FBN2: variants seen among roughly 807,000 people sequenced by gnomAD.
FBN2 encodes fibrillin-2.
FBN2 carries 105 observed loss-of-function variants against 355.6 expected under a neutral mutation model. The observed-to-expected ratio is 0.30, with a 90% CI of 0.25 to 0.35. FBN2 has a LOEUF of 0.35. Among genes scored for constraint, FBN2 ranks in the 10% least tolerant of loss-of-function variants. FBN2 has a pLI of 1.00. For missense variants in FBN2, 3,280 were observed against 3,758.7 expected, an observed-to-expected ratio of 0.87 and a Z score of 3.33; for synonymous variants, 1,350 against 1,301.2, an observed-to-expected ratio of 1.04 and a Z score of -0.81.
chr5:128,312,840 T>C (rs1037367482), intron 36 of FBN2, 45 bp from the exon 37 acceptor site: 1 of 1,591,280 alleles, frequency 6.3e-7, no homozygotes, highest in African/African-American at 1.3e-5. Flanking sequence ...GCTTACATAG[T>C]AAGGACTCCA....
intron 4 of FBN2, among the ~76,000 whole-genome samples, chr5:128,520,587 T>C (rs1756404407): frequency 6.6e-6 from 1 of 152,176 alleles, no homozygotes; most frequent in Non-Finnish European, 1.5e-5. Flanking sequence ...TATTTCCTTA[T>C]CAGGTATGTT....
intron 61 of FBN2, 105 bp from the exon 62 acceptor site, chr5:128,272,223 A>T: frequency 7.8e-7 from 1 of 1,283,126 alleles, no homozygotes; most frequent in Non-Finnish European, 1.1e-6. Flanking sequence ...GAACAAACAA[A>T]CAAACAAGAC....
At chr5:128,369,122 A>G in intron 16 of FBN2, 60 bp downstream of exon 16, 3 of 1,558,098 alleles carry the variant, frequency 1.9e-6, no homozygotes, top group East Asian at 2.2e-5. Flanking sequence ...TCTTTGGCCA[A>G]ACATCTAAGG....
chr5:128,334,641 C>A (rs1410728889), intron 31 of FBN2, 78 bp downstream of exon 31: 5 of 1,492,922 alleles, frequency 3.3e-6, no homozygotes, highest in Non-Finnish European at 4.7e-6. Context: ...TAAGAGATGC[C>A]AGAGAACAAA....
At chr5:128,265,465 CTT>C (rs1765092500) in intron 62 of FBN2, among the ~76,000 whole-genome samples, 2 of 152,062 alleles carry the variant, frequency 1.3e-5, no homozygotes, top group African/African-American at 4.8e-5. Flanking sequence ...AATTTATAGA[CTT>C]AAATAAATAT....
chr5:128,538,116 G>T lies in FBN2; in HGVS notation c.-513C>A. ...CAGAAGAAGAGGAGGGTTCCCTCCGGGCTCGCTCGGAGTCCCACAGGGCAA... is the reference window on the plus strand; with the variant it reads ...CAGAAGAAGAGGAGGGTTCCCTCCGTGCTCGCTCGGAGTCCCACAGGGCAA... On this transcript the variant is annotated 5_prime_UTR_variant, in exon 1 of 65. Coordinates refer to ENST00000262464, the MANE Select transcript of FBN2 (RefSeq NM_001999.4). The T allele has an allele frequency of 6.3e-6, 1 of 157,636 alleles. No individual in the cohort carries two copies. The highest frequency in any genetic ancestry group is 1.7e-4 in the South Asian group (1 of 5,750). 9.8% of individuals were successfully genotyped at this position (157,636 alleles called of 1,614,324 possible).
intron 52 of FBN2, 135 bp from the exon 53 acceptor site, chr5:128,288,692 C>A: frequency 1.0e-6 from 1 of 994,896 alleles, no homozygotes; most frequent in Non-Finnish European, 1.6e-6. Context: ...TCCCTTGGGC[C>A]TTGGCTGGCT....
chr5:128,430,381 TTGTTA>T (rs1261054304), intron 7 of FBN2, among the ~76,000 whole-genome samples: 1 of 152,206 alleles, frequency 6.6e-6, no homozygotes, highest in African/African-American at 2.4e-5. Flanking sequence ...CTTTACTTTT[TTGTTA>T]TATTTGGCTT....
intron 36 of FBN2, among the ~76,000 whole-genome samples, chr5:128,314,905 T>C (rs970814576): frequency 4.6e-5 from 7 of 152,156 alleles, no homozygotes; most frequent in African/African-American, 1.2e-4. Context: ...CCGTGGTGTA[T>C]AATTGCTTTT....
chr5:128,323,624 C>A (rs1750453703), intron 34 of FBN2, among the ~76,000 whole-genome samples: 1 of 152,238 alleles, frequency 6.6e-6, no homozygotes, highest in Non-Finnish European at 1.5e-5. Flanking sequence ...ACCGGCCTTG[C>A]ATCCCAGGGA....
At position 128,302,332 on chromosome 5, in the gene FBN2, T is replaced by C. The variant is rs544075796; in HGVS notation, c.5917+641A>G. On this transcript the variant is annotated intron_variant, in intron 46 of 64. Transcript: ENST00000262464. Reference sequence around the variant, plus strand: ...ATGCAGTAAACAAGGAATAAACGTTTGCTGTCATTTCTCTTATTCTCTCCT... The same window carrying C: ...ATGCAGTAAACAAGGAATAAACGTTCGCTGTCATTTCTCTTATTCTCTCCT... Among the ~76,000 whole-genome samples the C allele has an allele frequency of 1.3e-5, 2 of 152,340 alleles. 1 individual carries two copies. The highest frequency in any genetic ancestry group is 4.1e-4 in the South Asian group (2 of 4,832).
At chr5:128,298,349 C>T (rs910882969) in intron 48 of FBN2, among the ~76,000 whole-genome samples, 1,758 of 151,894 alleles carry the variant, frequency 0.012, 37 homozygotes, top group African/African-American at 0.04. Context: ...ATCTTTGTGG[C>T]GTTCTCTGTA....
intron 5 of FBN2, among the ~76,000 whole-genome samples, chr5:128,481,872 T>C (rs1755200761): frequency 6.6e-6 from 1 of 152,210 alleles, no homozygotes; most frequent in Non-Finnish European, 1.5e-5. Context: ...TTCTGCTCGG[T>C]AAGCAGATTC....
chr5:128,480,014 A>T, intron 5 of FBN2, among the ~76,000 whole-genome samples: 1 of 74,280 alleles, frequency 1.3e-5, no homozygotes, highest in Non-Finnish European at 2.9e-5. Flanking sequence ...ATATATATAT[A>T]TATATATATG....
At position 128,357,279 on chromosome 5, in the gene FBN2, T is replaced by C. The variant is rs1751524485; in HGVS notation, c.2671A>G (p.Ile891Val). The C allele has an allele frequency of 6.2e-7, 1 of 1,613,926 alleles. No individual in the cohort carries two copies. Among genetic ancestry groups the C allele is most frequent in the Non-Finnish European group, 8.5e-7 (1 of 1,179,812 alleles). The change falls in exon 20 of 65, where the codon ATT (isoleucine) becomes GTT (valine). Residue 891 changes from isoleucine (I) to valine (V), a missense_variant. Ile to Val is a conservative substitution (Grantham distance 29). Around this residue, in one of 6 missense-constraint regions of FBN2, gnomAD observed 2,284 missense variants for 2,749.5 expected, o/e 0.83. Transcript: ENST00000262464. ...SKLSSTGLIC[I>V]DSLKGTCWLN... ...CAGTATTGTGTATGAATCTTACCAA[T>C]ACAGATCAATCCTGTGGAGCTGAGT...
At chr5:128,511,993 A>T (rs1030936231) in intron 5 of FBN2, among the ~76,000 whole-genome samples, 1 of 152,232 alleles carries the variant, frequency 6.6e-6, no homozygotes, top group African/African-American at 2.4e-5. Flanking sequence ...ACTAATAGGA[A>T]CACTGACATT....
chr5:128,415,892 T>A (rs1053914154), intron 7 of FBN2, among the ~76,000 whole-genome samples: 25 of 152,324 alleles, frequency 1.6e-4, no homozygotes, highest in African/African-American at 6.0e-4. Flanking sequence ...ATAATAGTGA[T>A]TTTAACTGGA....
At chr5:128,436,109 G>A (rs933688978) in intron 7 of FBN2, among the ~76,000 whole-genome samples, 1 of 152,184 alleles carries the variant, frequency 6.6e-6, no homozygotes, top group African/African-American at 2.4e-5. Context: ...TAACACATGT[G>A]TTTTACTAGT....
chr5:128,268,192 A>C (rs1213039573), intron 62 of FBN2, among the ~76,000 whole-genome samples: 6 of 152,242 alleles, frequency 3.9e-5, no homozygotes, highest in Non-Finnish European at 8.8e-5. Context: ...TAAAGGTGAT[A>C]TCACCACTGA....
Sources: allele counts gnomAD v4.1 joint callset (sites outside exome capture counted in the v4.1 genomes callset), GRCh38; gene constraint gnomAD v4.1.1; regional missense constraint gnomAD v4.1.1; transcripts MANE v1.5; gene names NCBI Gene and HGNC (gene_info 2026-07-23, HGNC 2026-07-21).